ITGA11: variants seen among roughly 807,000 people sequenced by gnomAD.
ITGA11 encodes integrin alpha-11.
In ITGA11, 97 loss-of-function variants were observed where a neutral mutation model predicts 141.9. The observed-to-expected ratio is 0.68, with a 90% CI of 0.58 to 0.81. ITGA11 has a LOEUF of 0.81. Among genes scored for constraint, ITGA11 ranks in the 30% least tolerant of loss-of-function variants. The probability of loss-of-function intolerance (pLI) is 0.00; values close to 1 mark genes in which losing one functional copy is unlikely to be tolerated. For missense variants in ITGA11, 1,387 were observed against 1,559.2 expected (o/e 0.89, Z 1.86); for synonymous variants, 658 against 624.6 (o/e 1.05, Z -0.80).
chr15:68,419,372 C>G (rs1896963710), intron 1 of ITGA11, among the ~76,000 whole-genome samples: 1 of 152,170 alleles, frequency 6.6e-6, no homozygotes, highest in African/African-American at 2.4e-5. Flanking sequence ...AAGTGGTGAG[C>G]CCCCATCACT....
Position 68,305,181 on chromosome 15 carries a change from G to A in ITGA11, c.3382-1296C>T, listed in dbSNP as rs137916437. Among the ~76,000 whole-genome samples the A allele has an allele frequency of 5.3e-4, 81 of 152,274 alleles. 1 individual carries two copies. The East Asian group carries it at 0.013, about 24-fold the overall frequency. ...TGGCCTCCAGCATGCATGCCATGGC[G>A]TGCCTGCTGTAGGCATTGCTATTCC... is the stretch of plus-strand genomic sequence containing the variant. On this transcript the variant is annotated intron_variant, in intron 28 of 29. Transcript: ENST00000315757. This position sits in a 1 kb window ranked among gnomAD's most constrained non-coding sequence, Gnocchi z 4.6.
At chr15:68,355,149 G>C (rs548631684) in intron 7 of ITGA11, among the ~76,000 whole-genome samples, 4 of 152,300 alleles carry the variant, frequency 2.6e-5, no homozygotes, top group Middle Eastern at 3.4e-3. Context: ...GTGAGAGCTG[G>C]TGGTTATGGG....
intron 10 of ITGA11, among the ~76,000 whole-genome samples, chr15:68,341,293 A>T (rs1261227323): frequency 6.6e-6 from 1 of 152,102 alleles, no homozygotes; most frequent in Non-Finnish European, 1.5e-5. Context: ...GGAGCCAGGA[A>T]CTCATATATT....
At position 68,328,310 on chromosome 15, in the gene ITGA11, G is replaced by A. The variant is rs768463993; in HGVS notation, c.1902-48C>T. ...CTGGGGTGGGGCAGGGGCTCAGGCT[G>A]CCCTGCTGTGACCATGGGGAAAGAC... On this transcript the variant is annotated intron_variant, in intron 15 of 29. Transcript: ENST00000315757. This position sits in a 1 kb window ranked among gnomAD's most constrained non-coding sequence, Gnocchi z 4.8. The A allele has an allele frequency of 1.5e-5, 23 of 1,557,966 alleles. No homozygotes were observed. In the South Asian group the frequency reaches 2.1e-4, roughly 14 times the overall value.
At position 68,398,892 on chromosome 15, in the gene ITGA11, CATTAT is replaced by C. The variant is rs1373404986; in HGVS notation, c.164+4021_164+4025del. ...AAAACTTACACTGAATATTTCAAAG[CATTAT>C]TGAGAGAAATTTTTAAAAACTGAAT... On this transcript the variant is annotated intron_variant, in intron 2 of 29. Transcript: ENST00000315757. Among the ~76,000 whole-genome samples, 20 of 149,906 alleles carry C rather than the reference CATTAT, an allele frequency of 1.3e-4. 1 individual carries two copies. Among genetic ancestry groups the C allele is most frequent in the African/African-American group, 3.4e-4 (14 of 40,974 alleles).
chr15:68,417,364 C>T (rs1275557073), intron 1 of ITGA11, among the ~76,000 whole-genome samples: 1 of 152,226 alleles, frequency 6.6e-6, no homozygotes, highest in Non-Finnish European at 1.5e-5. Context: ...TCAGCAAATC[C>T]TGCAAGTTCT....
At chr15:68,352,100 C>CAAA (rs1567140805) in intron 7 of ITGA11, among the ~76,000 whole-genome samples, 2,337 of 38,244 alleles carry the variant, frequency 0.061, 41 homozygotes, top group African/African-American at 0.13. Context: ...AAACAAACAA[C>CAAA]CAAACAAACA....
At chr15:68,404,952 GA>G (rs759931405) in intron 1 of ITGA11, among the ~76,000 whole-genome samples, 1 of 152,174 alleles carries the variant, frequency 6.6e-6, no homozygotes, top group Non-Finnish European at 1.5e-5. Flanking sequence ...AGGGAAAACA[GA>G]GGGTCAGAGA....
intron 14 of ITGA11, 123 bp from the exon 15 acceptor site, chr15:68,331,234 C>T: frequency 1.2e-6 from 1 of 860,088 alleles, no homozygotes; most frequent in East Asian, 2.7e-5. Context: ...AGAAGCTTCC[C>T]CAACCCAAAG....
intron 26 of ITGA11, among the ~76,000 whole-genome samples, chr15:68,309,789 C>G (rs1478831882): frequency 6.6e-6 from 1 of 152,076 alleles, no homozygotes; most frequent in Non-Finnish European, 1.5e-5. Flanking sequence ...TGAGGTTTCA[C>G]TATGCTGGCC....
intron 12 of ITGA11, among the ~76,000 whole-genome samples, chr15:68,334,918 CAA>C (rs574388852): frequency 1.8e-4 from 28 of 152,184 alleles, no homozygotes; most frequent in African/African-American, 6.3e-4. Context: ...GGCCTGCACC[CAA>C]GAGACAGGAG....
At chr15:68,411,162 A>G (rs760989925) in intron 1 of ITGA11, among the ~76,000 whole-genome samples, 2 of 152,216 alleles carry the variant, frequency 1.3e-5, no homozygotes, top group Non-Finnish European at 2.9e-5. Flanking sequence ...CTGATTCCAC[A>G]CAATCTTCTC....
rs1328906397 is a variant in ITGA11 at position 68,305,240 on chromosome 15, G to T, written c.3382-1355C>A. Among the ~76,000 whole-genome samples the T allele has an allele frequency of 6.6e-6, 1 of 152,148 alleles. No individual in the cohort carries two copies. Among genetic ancestry groups the T allele is most frequent in the African/African-American group, 2.4e-5 (1 of 41,440 alleles). Reference sequence around the variant, plus strand: ...GCAAGGGTTTCCCTCACGCAGCCACGAGACACTCCTGTCTTCCTCATGGTC... The same window carrying T: ...GCAAGGGTTTCCCTCACGCAGCCACTAGACACTCCTGTCTTCCTCATGGTC... On this transcript the variant is annotated intron_variant, in intron 28 of 29. Coordinates refer to ENST00000315757, the MANE Select transcript of ITGA11 (RefSeq NM_001004439.2). This position sits in a 1 kb window ranked among gnomAD's most constrained non-coding sequence, Gnocchi z 4.6.
intron 22 of ITGA11, among the ~76,000 whole-genome samples, chr15:68,314,214 A>C (rs1893492435): frequency 6.6e-6 from 1 of 152,026 alleles, no homozygotes. Context: ...TGCCTGCTGG[A>C]CTCAGGGGCT....
At chr15:68,374,619 C>T (rs891528040) in intron 2 of ITGA11, among the ~76,000 whole-genome samples, 2 of 152,190 alleles carry the variant, frequency 1.3e-5, no homozygotes, top group African/African-American at 4.8e-5. Context: ...TCTGTTGAGG[C>T]AGGCAGGAGC....
intron 2 of ITGA11, among the ~76,000 whole-genome samples, chr15:68,397,232 TTATG>T (rs1896302508): frequency 0.89 from 39 of 44 alleles, 19 homozygotes; most frequent in Admixed American, 1. Context: ...ATATTATATA[TTATG>T]TATTATATTA....
intron 21 of ITGA11, among the ~76,000 whole-genome samples, chr15:68,317,013 G>A (rs1893601715): frequency 6.6e-6 from 1 of 152,194 alleles, no homozygotes. Context: ...AAGGGCAGGT[G>A]GCAGACTAGT....
intron 1 of ITGA11, among the ~76,000 whole-genome samples, chr15:68,424,385 GTTTT>G (rs200216290): frequency 6.6e-6 from 1 of 151,748 alleles, no homozygotes; most frequent in South Asian, 2.1e-4. Context: ...AGAGTGTTTG[GTTTT>G]TTTTGCTTGA....
intron 7 of ITGA11, 26 bp downstream of exon 7, chr15:68,357,125 T>A (rs767562440): frequency 1.6e-4 from 258 of 1,591,766 alleles, no homozygotes; most frequent in Non-Finnish European, 2.0e-4. Flanking sequence ...TCTAAAAAAA[T>A]TTTTTTTGTT....
Sources: gnomAD v4.1 joint callset for allele counts (sites outside exome capture counted in the v4.1 genomes callset) on GRCh38, gnomAD v4.1.1 for gene constraint, Gnocchi (gnomAD v3.1) non-coding constraint, MANE v1.5 for transcripts, NCBI Gene and HGNC (gene_info 2026-07-23, HGNC 2026-07-21) for gene names.